The following RCN2 variants were observed in gnomAD, a reference collection of about 807,000 sequenced individuals.
RCN2 encodes reticulocalbin 2, also known as reticulocalbin-2.
RCN2 carries 23 observed loss-of-function variants against 37.5 expected under a neutral mutation model. The observed-to-expected ratio is 0.61, with a 90% confidence interval of 0.44 to 0.87. RCN2 has a LOEUF of 0.87. Ranked by LOEUF, RCN2 falls within the 40% of genes least tolerant of loss-of-function variation. The pLI, the probability that RCN2 is intolerant of heterozygous loss-of-function variation, is 0.00. For missense variants in RCN2, 381 were observed against 390.4 expected, an observed-to-expected ratio of 0.98 and a Z score of 0.20; for synonymous variants, 140 against 144.6, an observed-to-expected ratio of 0.97 and a Z score of 0.23.
rs1345070724 is a variant in RCN2, at chr15:76,953,578, TATATATATATATATA to T, written c.*4357_*4371del. ...TTCTATATATATATATATATATATA[TATATATATATATATA>T]TTTTTTTTTTTTTTTTTTTTTTTTT... On this transcript the variant is annotated 3_prime_UTR_variant, in exon 7 of 7. Coordinates refer to ENST00000394885, the MANE Select transcript of RCN2 (RefSeq NM_002902.3). 9.6e-4 allele frequency: 19 copies of T among 19,746 alleles called. No individual in the cohort carries two copies. The highest frequency in any genetic ancestry group is 2.3e-3 in the East Asian group (2 of 860). The allele number at this position is 19,746 out of a possible 1,614,324, so 1.2% of individuals were successfully genotyped here.
rs2075231716 is a variant in RCN2, at chr15:76,933,097, T to C, written c.250+631T>C. 1.3e-5 allele frequency among the ~76,000 whole-genome samples: 2 copies of C among 152,152 alleles called. 1 individual carries two copies. Among genetic ancestry groups the C allele is most frequent in the South Asian group, 4.1e-4 (2 of 4,828 alleles). On this transcript the variant is annotated intron_variant, in intron 2 of 6. Coordinates refer to ENST00000394885, the MANE Select transcript of RCN2 (RefSeq NM_002902.3). ...TCAGTTAAAAAAAAAAATCTGATGCTCTCAGGTAAATTCTCTAGTCAGAAA... is the reference window on the plus strand; with the variant it reads ...TCAGTTAAAAAAAAAAATCTGATGCCCTCAGGTAAATTCTCTAGTCAGAAA...
chr15:76,934,254 C>T (rs1466577780), intron 2 of RCN2, among the ~76,000 whole-genome samples: 2 of 151,976 alleles, frequency 1.3e-5, no homozygotes, highest in Non-Finnish European at 2.9e-5. Flanking sequence ...AGTGATTCTT[C>T]TGTCTCAGCC....
At chr15:76,945,133 C>G (rs541561842) in intron 4 of RCN2, among the ~76,000 whole-genome samples, 2 of 152,258 alleles carry the variant, frequency 1.3e-5, no homozygotes, top group East Asian at 3.9e-4. Flanking sequence ...CTTGTGGTGA[C>G]GAAGTTGCTT....
rs1257115638 is a variant in RCN2 at position 76,932,479 on chromosome 15, C to T, written c.250+13C>T. On this transcript the variant is annotated intron_variant, in intron 2 of 6. Transcript: ENST00000394885. ...TTTCTCACTGAAAGTAAGGACTGCCCTACACGACTAACAATGGAGACAAAC... is the reference window on the plus strand; with the variant it reads ...TTTCTCACTGAAAGTAAGGACTGCCTTACACGACTAACAATGGAGACAAAC... The T allele has an allele frequency of 6.6e-7, 1 of 1,516,502 alleles. No homozygotes were observed. The highest frequency in any genetic ancestry group is 1.1e-5 in the South Asian group (1 of 88,884). 93.9% of individuals were successfully genotyped at this position (1,516,502 alleles called of 1,614,324 possible).
At position 76,931,858 on chromosome 15, in the gene RCN2, G is replaced by T. The variant is rs1043302536; in HGVS notation, c.17G>T (p.Arg6Met). The T allele has an allele frequency of 1.6e-6, 2 of 1,274,880 alleles. No individual in the cohort carries two copies. Among genetic ancestry groups the T allele is most frequent in the African/African-American group, 1.6e-5 (1 of 63,770 alleles). The allele number at this position is 1,274,880 out of a possible 1,614,324, so 79.0% of individuals were successfully genotyped here. A position where few individuals can be genotyped will look rare whatever the true frequency, so the allele number is the denominator to read the frequency against. The change falls in exon 1 of 7, where the codon AGG becomes ATG. Residue 6 changes from arginine (R) to methionine (M), a missense_variant. Coordinates refer to ENST00000394885, the MANE Select transcript of RCN2 (RefSeq NM_002902.3). MRLGP[R>M]TAALGLLLLC... ...GCCGGCGCGATGCGGCTGGGCCCGA[G>T]GACCGCGGCGTTGGGGCTGCTGCTG...
At chr15:76,945,294 A>T (rs1450833574) in intron 4 of RCN2, among the ~76,000 whole-genome samples, 3 of 152,042 alleles carry the variant, frequency 2.0e-5, no homozygotes, top group Admixed American at 6.6e-5. Flanking sequence ...TGGTTTTTCA[A>T]TGTTAGTAAT....
chr15:76,932,006 C>T lies in RCN2; in HGVS notation c.144+21C>T, dbSNP rs966810171. On this transcript the variant is annotated intron_variant, in intron 1 of 6. Transcript: ENST00000394885. Reference sequence around the variant, plus strand: ...TCCAGGTGAGGCGGCCAGGCCGGTGCTGGGAGGGCCGGGCCTCGCACCGCG... The same window carrying T: ...TCCAGGTGAGGCGGCCAGGCCGGTGTTGGGAGGGCCGGGCCTCGCACCGCG... 6 of 1,250,420 alleles carry T rather than the reference C, an allele frequency of 4.8e-6. No homozygotes were observed. In the Admixed American group the frequency reaches 1.7e-4, roughly 36 times the overall value. 77.5% of individuals were successfully genotyped at this position (1,250,420 alleles called of 1,614,324 possible).
intron 4 of RCN2, among the ~76,000 whole-genome samples, chr15:76,946,813 G>A (rs2075298513): frequency 1.3e-5 from 2 of 152,178 alleles, no homozygotes; most frequent in African/African-American, 2.4e-5. Flanking sequence ...CATTGAACAG[G>A]TCATCTTTAG....
chr15:76,932,031 G>C, intron 1 of RCN2, 46 bp downstream of exon 1: 1 of 1,234,442 alleles, frequency 8.1e-7, no homozygotes, highest in Non-Finnish European at 1.0e-6. Context: ...CTCGCACCGC[G>C]GCTGCCGCGG....
At chr15:76,937,889 CTG>C (rs561681035) in intron 3 of RCN2, among the ~76,000 whole-genome samples, 116 of 152,244 alleles carry the variant, frequency 7.6e-4, no homozygotes, top group African/African-American at 2.7e-3. Flanking sequence ...ACAGAAATGA[CTG>C]TGAGCTTGAG....
In RCN2 at chr15:76,953,601, T is replaced by A. The variant is rs1390141452; in HGVS notation, c.*4379T>A. 99 of 57,564 alleles carry A rather than the reference T, an allele frequency of 1.7e-3. No individual in the cohort carries two copies. The highest frequency in any genetic ancestry group is 4.5e-3 in the South Asian group (6 of 1,320). The allele number at this position is 57,564 out of a possible 1,614,324, so 3.6% of individuals were successfully genotyped here. On this transcript the variant is annotated 3_prime_UTR_variant, in exon 7 of 7. Transcript: ENST00000394885. ...TATATATATATATATATATTTTTTT[T>A]TTTTTTTTTTTTTTTTTTTTTTTTG...
chr15:76,932,340 G>C, intron 1 of RCN2, 21 bp from the exon 2 acceptor site: 1 of 1,582,502 alleles, frequency 6.3e-7, no homozygotes, highest in Non-Finnish European at 8.7e-7. Flanking sequence ...TGGCCCTCCT[G>C]TGTGTCGCTT....
rs1568460094 is a variant in RCN2 at position 76,940,311 on chromosome 15, A to T, written c.448-3447A>T. The stretch of plus-strand genomic sequence containing the variant: ...GAAACCTTGTCCCTTTAAAAAAAAA[A>T]AATAACGTCCTAAAAATTGATGTGG... On this transcript the variant is annotated intron_variant, in intron 3 of 6. Coordinates refer to ENST00000394885, the MANE Select transcript of RCN2 (RefSeq NM_002902.3). Among the ~76,000 whole-genome samples, 2 of 152,080 alleles carry T rather than the reference A, an allele frequency of 1.3e-5. 1 individual carries two copies. Among genetic ancestry groups the T allele is most frequent in the South Asian group, 4.1e-4 (2 of 4,826 alleles).
chr15:76,948,722 C>A, intron 6 of RCN2, 170 bp downstream of exon 6: 2 of 587,298 alleles, frequency 3.4e-6, no homozygotes, highest in Non-Finnish European at 5.6e-6. Context: ...GTCAGGGAGA[C>A]GAGGAAGTTA....
chr15:76,942,315 G>A lies in RCN2; in HGVS notation c.448-1443G>A, dbSNP rs2152650870. 2.0e-5 allele frequency: 3 copies of A among 152,220 alleles called. No individual in the cohort carries two copies. The Middle Eastern group carries it at 0.01, about 518-fold the overall frequency. The allele number at this position is 152,220 out of a possible 1,614,324, so 9.4% of individuals were successfully genotyped here. ...AAGCTTCTAAAATATTTGAAATTGT[G>A]CTTTAAAAAAATGCACAGTTTAATA... On this transcript the variant is annotated intron_variant, in intron 3 of 6. Coordinates refer to ENST00000394885, the MANE Select transcript of RCN2 (RefSeq NM_002902.3).
chr15:76,937,495 C>T (rs1276162224), intron 3 of RCN2, among the ~76,000 whole-genome samples: 2 of 151,902 alleles, frequency 1.3e-5, no homozygotes, highest in Non-Finnish European at 2.9e-5. Flanking sequence ...CGGCTCACTG[C>T]CTCCTGGGCT....
chr15:76,935,491 C>A, intron 2 of RCN2, 35 bp from the exon 3 acceptor site: 1 of 1,517,912 alleles, frequency 6.6e-7, no homozygotes, highest in Non-Finnish European at 9.1e-7. Context: ...TCAGAATTAA[C>A]GTCACATGCG....
intron 3 of RCN2, chr15:76,942,347 A>G (rs1020935494): frequency 1.3e-5 from 2 of 152,250 alleles, no homozygotes; most frequent in Non-Finnish European, 2.9e-5. Flanking sequence ...AATACATATC[A>G]GTTTATAGGA....
At position 76,947,556 on chromosome 15, in the gene RCN2, T is replaced by C. The variant is rs774036174; in HGVS notation, c.658+39T>C. 1.4e-5 allele frequency: 18 copies of C among 1,299,796 alleles called. No individual in the cohort carries two copies. In the Admixed American group the frequency reaches 1.5e-4, roughly 11 times the overall value. The allele number at this position is 1,299,796 out of a possible 1,614,324, so 80.5% of individuals were successfully genotyped here. On this transcript the variant is annotated intron_variant, in intron 5 of 6. Coordinates refer to ENST00000394885, the MANE Select transcript of RCN2 (RefSeq NM_002902.3). ...GAGAATGTGAAAAGAGAAAAGGAAT[T>C]GAAGAAAGACATTGAAAGACAGCCT... is the stretch of plus-strand genomic sequence containing the variant.
Sources: allele counts gnomAD v4.1 joint callset (sites outside exome capture counted in the v4.1 genomes callset), GRCh38; gene constraint gnomAD v4.1.1; transcripts MANE v1.5; gene names NCBI Gene and HGNC (gene_info 2026-07-23, HGNC 2026-07-21).